ATP2B2: variants seen among roughly 807,000 people sequenced by gnomAD.
The protein encoded by ATP2B2 is ATPase plasma membrane Ca2+ transporting 2.
Under a neutral mutation model 120.0 loss-of-function variants are expected in ATP2B2, and 15 were observed. The observed-to-expected ratio is 0.12, with a 90% CI of 0.08 to 0.19. The LOEUF is 0.19. Among genes scored for constraint, ATP2B2 ranks in the 10% least tolerant of loss-of-function variants. The pLI, the probability that ATP2B2 is intolerant of heterozygous loss-of-function variation, is 1.00. For missense variants in ATP2B2, 1,045 were observed against 1,719.8 expected, an observed-to-expected ratio of 0.61 and a Z score of 6.94; for synonymous variants, 694 against 700.3, an observed-to-expected ratio of 0.99 and a Z score of 0.14.
At chr3:10,481,601 T>C (rs1266750286) in intron 1 of ATP2B2, among the ~76,000 whole-genome samples, 2 of 152,232 alleles carry the variant, frequency 1.3e-5, no homozygotes, top group African/African-American at 4.8e-5. Context: ...TTACCTAGGC[T>C]AGAGTGCAAT....
intron 1 of ATP2B2, among the ~76,000 whole-genome samples, chr3:10,678,681 C>T (rs1404018112): frequency 6.6e-6 from 1 of 152,170 alleles, no homozygotes; most frequent in African/African-American, 2.4e-5. Flanking sequence ...GATCCCGGCC[C>T]CACCTACCTG....
chr3:10,630,025 T>G (rs923158639), intron 1 of ATP2B2, among the ~76,000 whole-genome samples: 8 of 152,210 alleles, frequency 5.3e-5, no homozygotes, highest in African/African-American at 1.9e-4. Flanking sequence ...GACCTCTCAC[T>G]GTCCGTCCAA....
At chr3:10,606,891 A>ACACACACACACACG (rs1454667460) in intron 2 of ATP2B2, among the ~76,000 whole-genome samples, 1 of 27,248 alleles carries the variant, frequency 3.7e-5, no homozygotes, top group Non-Finnish European at 9.4e-5. Flanking sequence ...ACACACACAC[A>ACACACACACACACG]CACACACACA....
At position 10,438,648 on chromosome 3, in the gene ATP2B2, A is replaced by T. The variant is rs541284943; in HGVS notation, c.199+10697T>A. Among the ~76,000 whole-genome samples the T allele has an allele frequency of 5.9e-5, 9 of 152,280 alleles. 1 individual carries two copies. The South Asian group carries it at 1.7e-3, about 28-fold the overall frequency. The stretch of plus-strand genomic sequence containing the variant: ...GGGCCTGGATTGCACCAGGAGGAGT[A>T]AGATAATCGTTGTGGGGTGAGGAGG... On this transcript the variant is annotated intron_variant, in intron 2 of 22. Coordinates refer to ENST00000360273, the MANE Select transcript of ATP2B2 (RefSeq NM_001001331.4).
chr3:10,436,044 G>A (rs1032309881), intron 2 of ATP2B2, among the ~76,000 whole-genome samples: 18 of 152,084 alleles, frequency 1.2e-4, no homozygotes, highest in Non-Finnish European at 2.6e-4. Context: ...CCTAAGCGTG[G>A]GCATGTGATC....
chr3:10,347,699 G>T lies in ATP2B2; in HGVS notation c.2405-1562C>A, dbSNP rs1300812419. Among the ~76,000 whole-genome samples the T allele has an allele frequency of 6.6e-6, 1 of 152,220 alleles. No individual in the cohort carries two copies. Among genetic ancestry groups the T allele is most frequent in the Non-Finnish European group, 1.5e-5 (1 of 68,028 alleles). On this transcript the variant is annotated intron_variant, in intron 16 of 22. Transcript: ENST00000360273. This position sits in a 1 kb window ranked among gnomAD's most constrained non-coding sequence, Gnocchi z 5.2. ...TCAGTCAGCCTGGGGGCTCCTCCAAGGCAGGGACGGGTCAAATTTCTGCCC... is the reference window on the plus strand; with the variant it reads ...TCAGTCAGCCTGGGGGCTCCTCCAATGCAGGGACGGGTCAAATTTCTGCCC...
At chr3:10,388,074 A>C in intron 6 of ATP2B2, 1 of 678,850 alleles carries the variant, frequency 1.5e-6, no homozygotes, top group South Asian at 1.7e-5. Context: ...ATTGGACAAG[A>C]CAGAGACTGG....
chr3:10,388,122 G>A, intron 6 of ATP2B2, 155 bp downstream of exon 6: 1 of 1,045,424 alleles, frequency 9.6e-7, no homozygotes, highest in East Asian at 2.5e-5. Flanking sequence ...AGCCTACCTG[G>A]CCCATGCAGG....
chr3:10,435,719 AG>A (rs2063459971), intron 2 of ATP2B2, among the ~76,000 whole-genome samples: 1 of 152,076 alleles, frequency 6.6e-6, no homozygotes, highest in South Asian at 2.1e-4. Context: ...GGAAGTGAGG[AG>A]GTAGAGGTGG....
intron 1 of ATP2B2, among the ~76,000 whole-genome samples, chr3:10,634,989 C>T (rs2069981745): frequency 1.3e-5 from 2 of 152,072 alleles, no homozygotes; most frequent in South Asian, 2.1e-4. Flanking sequence ...GTCAGGGAGA[C>T]ACAACAGCGT....
chr3:10,683,718 A>G (rs12494333), intron 1 of ATP2B2, among the ~76,000 whole-genome samples: 111,015 of 129,670 alleles, frequency 0.86, 47,654 homozygotes, highest in African/African-American at 0.94. Flanking sequence ...ATGTATATAC[A>G]TGTGTGTGTG....
intron 1 of ATP2B2, among the ~76,000 whole-genome samples, chr3:10,693,065 A>G (rs1162314283): frequency 6.6e-6 from 1 of 152,244 alleles, no homozygotes; most frequent in Non-Finnish European, 1.5e-5. Flanking sequence ...TGATAGGCAC[A>G]TTAAATGAGA....
At chr3:10,335,879 T>A (rs1423362570) in intron 22 of ATP2B2, among the ~76,000 whole-genome samples, 2 of 152,174 alleles carry the variant, frequency 1.3e-5, no homozygotes, top group Admixed American at 1.3e-4. Context: ...ACCCCTTGAC[T>A]GAACCAGACT....
At chr3:10,551,070 G>T (rs2067659418) in intron 2 of ATP2B2, among the ~76,000 whole-genome samples, 1 of 152,138 alleles carries the variant, frequency 6.6e-6, no homozygotes. Context: ...CTCTCATTTA[G>T]GTCTCTTTCT....
chr3:10,359,715 G>C (rs1283313965), intron 13 of ATP2B2, among the ~76,000 whole-genome samples, 167 bp downstream of exon 13: 3 of 152,194 alleles, frequency 2.0e-5, no homozygotes, highest in South Asian at 4.1e-4. Context: ...GTCTTGCTGG[G>C]TGACCTTGGG....
chr3:10,403,241 T>A (rs1342566891), intron 3 of ATP2B2, among the ~76,000 whole-genome samples: 1 of 152,186 alleles, frequency 6.6e-6, no homozygotes, highest in African/African-American at 2.4e-5. Flanking sequence ...TCCGTCCTTG[T>A]CAGACGTCAG....
intron 2 of ATP2B2, among the ~76,000 whole-genome samples, chr3:10,592,850 A>C (rs1407611062): frequency 6.6e-6 from 1 of 152,162 alleles, no homozygotes; most frequent in Admixed American, 6.5e-5. Context: ...TGGCACAATC[A>C]TGGCTCACTG....
In ATP2B2 at chr3:10,569,600, G is replaced by A. The variant is rs910795963; in HGVS notation, c.-414-35467C>T. Among the ~76,000 whole-genome samples, 4 of 152,292 alleles carry A rather than the reference G, an allele frequency of 2.6e-5. No homozygotes were observed. In the East Asian group the frequency reaches 7.7e-4, roughly 29 times the overall value. ...TGACCTCATGGATATTAATCCTTAGGATGAAGCTAAGATGGACAGTGAGGA... is the reference window on the plus strand; with the variant it reads ...TGACCTCATGGATATTAATCCTTAGAATGAAGCTAAGATGGACAGTGAGGA... On this transcript the variant is annotated intron_variant, in intron 2 of 21. Coordinates refer to the ATP2B2 transcript ENST00000646379.
At chr3:10,579,797 G>A (rs185007498) in intron 2 of ATP2B2, among the ~76,000 whole-genome samples, 194 of 87,494 alleles carry the variant, frequency 2.2e-3, no homozygotes, top group Admixed American at 0.012. Context: ...GCAACAGAGC[G>A]AGACTCCGTC....
Sources: gnomAD v4.1 joint callset for allele counts (sites outside exome capture counted in the v4.1 genomes callset) on GRCh38, gnomAD v4.1.1 for gene constraint, Gnocchi (gnomAD v3.1) non-coding constraint, MANE v1.5 for transcripts, NCBI Gene and HGNC (gene_info 2026-07-23, HGNC 2026-07-21) for gene names.